Variants in PKD2 observed in about 807,000 individuals in gnomAD.
The protein encoded by PKD2 is polycystin-2.
Under a neutral mutation model 105.9 loss-of-function variants are expected in PKD2, and 48 were observed. The ratio of observed to expected loss-of-function variants is 0.45; its 90% CI spans 0.36 to 0.58. PKD2 has a LOEUF of 0.58. Among genes scored for constraint, PKD2 ranks in the 20% least tolerant of loss-of-function variants. The pLI is 0.00. For synonymous variants in PKD2, 464 were observed against 481.1 expected, an observed-to-expected ratio of 0.96 and a Z score of 0.46; for missense variants, 1,078 against 1,255.3, an observed-to-expected ratio of 0.86 and a Z score of 2.13.
rs1283244178 is a variant in PKD2 at position 88,019,555 on chromosome 4, C to T, written c.693C>T (p.Leu231=). The T allele has an allele frequency of 6.4e-7, 1 of 1,556,476 alleles. No individual in the cohort carries two copies. The highest frequency in any genetic ancestry group is 8.9e-7 in the Non-Finnish European group (1 of 1,127,450). ...AACTGGTCACATACCTCCTTTTTCT[C>T]ATAGTCTTGTGCATCTGTAAGTAGA... ...LRELVTYLLF[L]IVLCILTYGM... The change falls in exon 2 of 15, where the codon CTC becomes CTT. Residue 231 remains leucine, a synonymous_variant. Coordinates refer to ENST00000237596, the MANE Select transcript of PKD2 (RefSeq NM_000297.4).
intron 5 of PKD2, among the ~76,000 whole-genome samples, chr4:88,045,583 A>G (rs1374434829): frequency 6.6e-6 from 1 of 152,204 alleles, no homozygotes; most frequent in Non-Finnish European, 1.5e-5. Flanking sequence ...TAGAGATTCT[A>G]TTTCTAGTTA....
At chr4:88,012,671 CTTT>C (rs140451462) in intron 1 of PKD2, among the ~76,000 whole-genome samples, 11,115 of 151,964 alleles carry the variant, frequency 0.073, 561 homozygotes, top group Non-Finnish European at 0.11. Context: ...ATTTCCAGAA[CTTT>C]TTTATCATCC....
At chr4:88,056,356 C>A in intron 8 of PKD2, 89 bp downstream of exon 8, 2 of 771,162 alleles carry the variant, frequency 2.6e-6, no homozygotes, top group Non-Finnish European at 4.3e-6. Context: ...TGCTATATGA[C>A]CACCAATTAT....
rs749666891 is a variant in PKD2, at chr4:88,075,633, C to G, written c.2846C>G (p.Ser949Cys). Residue 949 changes from serine (S) to cysteine (C), a missense_variant, in exon 15 of 15, where the codon TCC becomes TGC. Transcript: ENST00000237596. ...CCCAGAAGCTCCCGCCCATCTTCCTCCCAATCTACAGAAGGCATGGAAGGT... is the reference window on the plus strand; with the variant it reads ...CCCAGAAGCTCCCGCCCATCTTCCTGCCAATCTACAGAAGGCATGGAAGGT... ...PRPRSSRPSS[S>C]QSTEGMEGAG... The G allele has an allele frequency of 1.2e-5, 20 of 1,614,018 alleles. No homozygotes were observed. The East Asian group carries it at 3.8e-4, about 31-fold the overall frequency.
At chr4:88,061,503 C>T (rs765619169) in intron 9 of PKD2, among the ~76,000 whole-genome samples, 2 of 152,064 alleles carry the variant, frequency 1.3e-5, no homozygotes, top group African/African-American at 4.8e-5. Context: ...TTTGGGAAGC[C>T]GAGGCGGGCA....
At chr4:88,008,648 T>C (rs1726279828) in intron 1 of PKD2, among the ~76,000 whole-genome samples, 1 of 151,898 alleles carries the variant, frequency 6.6e-6, no homozygotes, top group Non-Finnish European at 1.5e-5. Context: ...TTTTTTTTTC[T>C]TGTAGAGGAA....
chr4:88,048,030 C>G (rs1727839811), intron 6 of PKD2, among the ~76,000 whole-genome samples: 1 of 152,154 alleles, frequency 6.6e-6, no homozygotes, highest in Non-Finnish European at 1.5e-5. Context: ...TTTTTACAAG[C>G]TTTTCTCCCT....
In PKD2 at chr4:88,060,683, G is replaced by GA. The variant is rs1353961491; in HGVS notation, c.2020-1221dup. Among the ~76,000 whole-genome samples, 7 of 152,192 alleles carry GA rather than the reference G, an allele frequency of 4.6e-5. No individual in the cohort carries two copies. The East Asian group carries it at 1.4e-3, about 29-fold the overall frequency. On this transcript the variant is annotated intron_variant, in intron 9 of 14. Coordinates refer to ENST00000237596, the MANE Select transcript of PKD2 (RefSeq NM_000297.4). ...AAGTAAAAAAAAAGTTGGTGGGGGG[G>GA]AACCTGATCTCCTGGATACAGTGCT...
intron 1 of PKD2, among the ~76,000 whole-genome samples, chr4:88,008,631 T>G (rs1726278262): frequency 6.6e-6 from 1 of 151,910 alleles, no homozygotes; most frequent in African/African-American, 2.4e-5. Context: ...TACATCTGGG[T>G]TTTGTTTTTT....
intron 5 of PKD2, among the ~76,000 whole-genome samples, chr4:88,045,897 A>G (rs1727747840): frequency 6.6e-6 from 1 of 152,184 alleles, no homozygotes; most frequent in African/African-American, 2.4e-5. Flanking sequence ...ATATGTACAA[A>G]ATATATCCTA....
chr4:88,011,774 T>C (rs1028478744), intron 1 of PKD2, among the ~76,000 whole-genome samples: 19 of 152,092 alleles, frequency 1.2e-4, no homozygotes, highest in African/African-American at 4.6e-4. Flanking sequence ...TCACCGCTCT[T>C]AGTTGCTGTT....
At chr4:88,059,144 A>AT (rs975543232) in intron 9 of PKD2, among the ~76,000 whole-genome samples, 58 of 151,882 alleles carry the variant, frequency 3.8e-4, no homozygotes, top group Non-Finnish European at 7.6e-4. Context: ...TTTAAAAAAA[A>AT]TTTTTTTTCC....
chr4:88,040,765 G>T (rs1273364428), intron 4 of PKD2, among the ~76,000 whole-genome samples: 3 of 152,052 alleles, frequency 2.0e-5, no homozygotes, highest in Non-Finnish European at 4.4e-5. Context: ...CTACACTTTG[G>T]GTTCTTTTAA....
At chr4:88,053,181 G>A (rs908182741) in intron 7 of PKD2, among the ~76,000 whole-genome samples, 5 of 152,090 alleles carry the variant, frequency 3.3e-5, no homozygotes, top group South Asian at 2.1e-4. Context: ...AATTAAAAAC[G>A]CAGTTCCTTG....
At chr4:88,024,449 T>C (rs1726876341) in intron 2 of PKD2, among the ~76,000 whole-genome samples, 2 of 85,538 alleles carry the variant, frequency 2.3e-5, no homozygotes, top group Non-Finnish European at 4.0e-5. Flanking sequence ...AGAGCAACAC[T>C]CTGTCTCGAA....
chr4:88,009,892 T>C (rs1726326642), intron 1 of PKD2, among the ~76,000 whole-genome samples: 2 of 152,226 alleles, frequency 1.3e-5, no homozygotes, highest in South Asian at 4.1e-4. Flanking sequence ...AAGCATTTGA[T>C]AACACCCCTA....
intron 7 of PKD2, among the ~76,000 whole-genome samples, chr4:88,053,769 T>G (rs915176595): frequency 6.6e-6 from 1 of 151,970 alleles, no homozygotes; most frequent in Non-Finnish European, 1.5e-5. Flanking sequence ...GATCATAACA[T>G]AGTAATAATA....
intron 9 of PKD2, among the ~76,000 whole-genome samples, chr4:88,061,083 T>A (rs995148787): frequency 6.6e-6 from 1 of 152,216 alleles, no homozygotes; most frequent in Non-Finnish European, 1.5e-5. Context: ...GCTGTATTCC[T>A]ATTTGCAACA....
intron 13 of PKD2, among the ~76,000 whole-genome samples, chr4:88,071,061 C>CTTT (rs139469985): frequency 6.8e-6 from 1 of 147,834 alleles, no homozygotes; most frequent in Non-Finnish European, 1.5e-5. Context: ...TCATAACTTC[C>CTTT]TTTTTTTTTT....
Sources: gnomAD v4.1 joint callset for allele counts (sites outside exome capture counted in the v4.1 genomes callset) on GRCh38, gnomAD v4.1.1 for gene constraint, MANE v1.5 for transcripts, NCBI Gene and HGNC (gene_info 2026-07-23, HGNC 2026-07-21) for gene names.